The following CCDC149 variants were observed in gnomAD, a reference collection of about 807,000 sequenced individuals.
The protein encoded by CCDC149 is coiled-coil domain-containing protein 149.
CCDC149 carries 45 observed loss-of-function variants against 59.9 expected under a neutral mutation model. The ratio of observed to expected loss-of-function variants is 0.75; its 90% CI spans 0.59 to 0.96. The LOEUF is 0.96. CCDC149 is among the 40% of genes least tolerant of loss of function. The pLI, the probability that CCDC149 is intolerant of heterozygous loss-of-function variation, is 0.00. For synonymous variants in CCDC149, 245 were observed against 260.6 expected (o/e 0.94, Z 0.58); for missense variants, 584 against 664.7 (o/e 0.88, Z 1.33).
intron 1 of CCDC149, among the ~76,000 whole-genome samples, chr4:24,879,677 T>A (rs1577443698): frequency 7.7e-6 from 1 of 129,294 alleles, no homozygotes; most frequent in Non-Finnish European, 1.7e-5. Context: ...AGCATAAGAC[T>A]CCATCTCAAA....
intron 1 of CCDC149, among the ~76,000 whole-genome samples, chr4:24,974,529 A>G (rs1473414632): frequency 1.3e-5 from 2 of 152,236 alleles, no homozygotes; most frequent in South Asian, 4.1e-4. Flanking sequence ...TGACTCTGTC[A>G]TGAGGATTTC....
At chr4:24,873,474 T>C (rs1229764185) in intron 3 of CCDC149, among the ~76,000 whole-genome samples, 1 of 152,210 alleles carries the variant, frequency 6.6e-6, no homozygotes, top group African/African-American at 2.4e-5. Flanking sequence ...TGCAGTCAAC[T>C]GGTGTACCTC....
chr4:24,895,120 T>A, intron 1 of CCDC149: 1 of 962,026 alleles, frequency 1.0e-6, no homozygotes, highest in East Asian at 2.6e-5. Context: ...TAGTGCTGAC[T>A]AGGAATAAGA....
At chr4:24,824,112 G>A (rs539683275) in intron 9 of CCDC149, among the ~76,000 whole-genome samples, 2 of 152,300 alleles carry the variant, frequency 1.3e-5, no homozygotes, top group Admixed American at 6.5e-5. Flanking sequence ...TAACTCTTCC[G>A]TGGAGGTGGA....
intron 10 of CCDC149, among the ~76,000 whole-genome samples, chr4:24,822,073 A>G (rs753700407): frequency 6.6e-6 from 1 of 152,228 alleles, no homozygotes; most frequent in Non-Finnish European, 1.5e-5. Context: ...TGGTGATTAA[A>G]TTGCACAAAT....
chr4:24,895,024 T>C, intron 1 of CCDC149: 1 of 1,535,830 alleles, frequency 6.5e-7, no homozygotes. Context: ...CTGGCGATGA[T>C]GATGATGATG....
chr4:24,886,647 C>G (rs1435414400), intron 1 of CCDC149, among the ~76,000 whole-genome samples: 1 of 152,214 alleles, frequency 6.6e-6, no homozygotes, highest in Admixed American at 6.5e-5. Context: ...AGCTCCCCTT[C>G]TTGTGTTTTT....
At chr4:24,855,066 C>G (rs558432717) in intron 3 of CCDC149, among the ~76,000 whole-genome samples, 3 of 152,312 alleles carry the variant, frequency 2.0e-5, no homozygotes, top group African/African-American at 7.2e-5. Flanking sequence ...CCTCTCCTTA[C>G]TAAAACATAA....
At chr4:24,900,977 C>T (rs1577467412) in intron 1 of CCDC149, among the ~76,000 whole-genome samples, 1 of 152,300 alleles carries the variant, frequency 6.6e-6, no homozygotes, top group South Asian at 2.1e-4. Flanking sequence ...GAGGCTCGAA[C>T]ACCAGGTGAT....
At chr4:24,844,609 C>A (rs1307144647) in intron 4 of CCDC149, among the ~76,000 whole-genome samples, 2 of 151,960 alleles carry the variant, frequency 1.3e-5, no homozygotes, top group Non-Finnish European at 2.9e-5. Flanking sequence ...TCCGTCTCAA[C>A]TAAAAATACA....
chr4:24,947,824 A>ATT (rs11373089), intron 1 of CCDC149, among the ~76,000 whole-genome samples: 5,672 of 149,548 alleles, frequency 0.038, 123 homozygotes, highest in East Asian at 0.1. Context: ...AAGAAGGAGG[A>ATT]TTTTTTTTTT....
chr4:24,822,381 G>T, intron 10 of CCDC149, 116 bp downstream of exon 10: 1 of 584,202 alleles, frequency 1.7e-6, no homozygotes, highest in Non-Finnish European at 2.8e-6. Flanking sequence ...CTTTAAATAA[G>T]GTAGAATAAA....
At chr4:24,976,926 C>A (rs917828776) in intron 1 of CCDC149, among the ~76,000 whole-genome samples, 1 of 152,120 alleles carries the variant, frequency 6.6e-6, no homozygotes, top group Non-Finnish European at 1.5e-5. Context: ...ACAGGCTCTG[C>A]GCTTCCCAGG....
intron 3 of CCDC149, among the ~76,000 whole-genome samples, chr4:24,857,269 T>C (rs1718070279): frequency 6.6e-6 from 1 of 152,096 alleles, no homozygotes; most frequent in Non-Finnish European, 1.5e-5. Context: ...AAGAGTTCTC[T>C]TTTCTCAATC....
chr4:24,844,399 G>A (rs1717138028), intron 4 of CCDC149, among the ~76,000 whole-genome samples: 1 of 152,128 alleles, frequency 6.6e-6, no homozygotes, highest in East Asian at 1.9e-4. Flanking sequence ...TGAGAGGTTG[G>A]CACATGGCTC....
intron 1 of CCDC149, among the ~76,000 whole-genome samples, chr4:24,934,862 C>T (rs548776511): frequency 1.1e-4 from 16 of 152,222 alleles, no homozygotes; most frequent in African/African-American, 1.7e-4. Context: ...ACTGAGAATA[C>T]GATAAGTAAA....
At chr4:24,872,450 C>G (rs942342087) in intron 3 of CCDC149, among the ~76,000 whole-genome samples, 2 of 151,968 alleles carry the variant, frequency 1.3e-5, no homozygotes, top group East Asian at 3.9e-4. Context: ...GGCATTTACC[C>G]GCCAAATGGT....
chr4:24,943,034 T>C (rs1165910394), intron 1 of CCDC149, among the ~76,000 whole-genome samples: 1 of 150,848 alleles, frequency 6.6e-6, no homozygotes, highest in African/African-American at 2.4e-5. Context: ...CTTCACAGAA[T>C]TGGAAAAAAC....
chr4:24,928,656 C>T (rs1360324534), intron 1 of CCDC149, among the ~76,000 whole-genome samples: 2 of 152,170 alleles, frequency 1.3e-5, no homozygotes, highest in East Asian at 3.9e-4. Context: ...GGATCCCCTG[C>T]TTGGAATGCT....
Sources: gnomAD v4.1 joint callset for allele counts (sites outside exome capture counted in the v4.1 genomes callset) on GRCh38, gnomAD v4.1.1 for gene constraint, MANE v1.5 for transcripts, NCBI Gene and HGNC (gene_info 2026-07-23, HGNC 2026-07-21) for gene names.